The following NFATC1 variants were observed in gnomAD, a reference collection of about 807,000 sequenced individuals.
NFATC1 encodes nuclear factor of activated T cells 1, also known as nuclear factor of activated T-cells, cytoplasmic 1.
Under a neutral mutation model 76.0 loss-of-function variants are expected in NFATC1, and 22 were observed. That is an observed-to-expected ratio of 0.29 (90% confidence interval 0.21 to 0.41). The LOEUF (loss-of-function observed/expected upper bound fraction) is 0.41, where lower values mean the gene tolerates loss of function less well. Ranked by LOEUF, NFATC1 falls within the 10% of genes least tolerant of loss-of-function variation. The pLI, the probability that NFATC1 is intolerant of heterozygous loss-of-function variation, is 1.00. For synonymous variants in NFATC1, 704 were observed against 613.1 expected (o/e 1.15, Z -2.19); for missense variants, 1,357 against 1,337.7 (o/e 1.01, Z -0.23).
At chr18:79,444,422 C>T (rs543781989) in intron 3 of NFATC1, among the ~76,000 whole-genome samples, 1 of 151,870 alleles carries the variant, frequency 6.6e-6, no homozygotes, top group African/African-American at 2.4e-5. Flanking sequence ...TGTGTCCTTC[C>T]CCCACCCACC....
rs528135922 is a variant in NFATC1, at chr18:79,454,948, C to T, written c.1903+3132C>T. ...TGTGTCTGTGTTCCGATGTGAGGCACCTCTCTGTACACGCGTGAACGTTGA... is the reference window on the plus strand; with the variant it reads ...TGTGTCTGTGTTCCGATGTGAGGCATCTCTCTGTACACGCGTGAACGTTGA... On this transcript the variant is annotated intron_variant, in intron 6 of 9. Transcript: ENST00000427363. Among the ~76,000 whole-genome samples the T allele has an allele frequency of 5.8e-4, 88 of 152,284 alleles. 1 individual carries two copies. The South Asian group carries it at 7.0e-3, about 12-fold the overall frequency.
chr18:79,410,260 G>C lies in NFATC1; in HGVS notation c.128-143G>C. The C allele has an allele frequency of 7.5e-7, 1 of 1,340,760 alleles. No individual in the cohort carries two copies. The highest frequency in any genetic ancestry group is 1.4e-5 in the South Asian group (1 of 73,554). The allele number at this position is 1,340,760 out of a possible 1,614,324, so 83.1% of individuals were successfully genotyped here. Reference sequence around the variant, plus strand: ...AAGTCGCCCGGAGCTGTCCGGCAGCGTGGTCTCAGGGACGTTTGCTGAGGC... The same window carrying C: ...AAGTCGCCCGGAGCTGTCCGGCAGCCTGGTCTCAGGGACGTTTGCTGAGGC... On this transcript the variant is annotated intron_variant, in intron 1 of 9. Transcript: ENST00000427363. The surrounding 1 kb of genome is among the most constrained non-coding windows in gnomAD (Gnocchi z 6.7).
chr18:79,507,057 T>C (rs1388170368), intron 9 of NFATC1, among the ~76,000 whole-genome samples: 2 of 152,194 alleles, frequency 1.3e-5, no homozygotes, highest in Non-Finnish European at 2.9e-5. Context: ...CCCAGAGCTG[T>C]GGCTGGGCTC....
chr18:79,436,611 C>T (rs1048195622), intron 3 of NFATC1, among the ~76,000 whole-genome samples: 3 of 152,202 alleles, frequency 2.0e-5, no homozygotes, highest in Admixed American at 6.5e-5. Flanking sequence ...AAGTGAAGCA[C>T]GTGAGCAGAA....
intron 2 of NFATC1, among the ~76,000 whole-genome samples, chr18:79,415,328 A>G (rs1007010709): frequency 5.3e-5 from 8 of 152,074 alleles, no homozygotes; most frequent in African/African-American, 1.2e-4. Context: ...TGTCACCCAG[A>G]CTGGAGTGCA....
chr18:79,481,506 C>T (rs1369250759), intron 8 of NFATC1, among the ~76,000 whole-genome samples: 1 of 152,260 alleles, frequency 6.6e-6, no homozygotes, highest in African/African-American at 2.4e-5. Context: ...ACAGGCAGTC[C>T]TGGGGCTCTG....
chr18:79,506,207 G>A (rs1266668333), intron 9 of NFATC1, among the ~76,000 whole-genome samples: 1 of 152,194 alleles, frequency 6.6e-6, no homozygotes, highest in African/African-American at 2.4e-5. Context: ...CTGAGCCTGT[G>A]GCGTGGTTTC....
At chr18:79,517,881 CAAA>C (rs2090422237) in intron 9 of NFATC1, among the ~76,000 whole-genome samples, 1 of 152,154 alleles carries the variant, frequency 6.6e-6, no homozygotes, top group Non-Finnish European at 1.5e-5. Flanking sequence ...AAAATTGACA[CAAA>C]AATCGTTTAT....
At chr18:79,458,520 C>T (rs565234060) in intron 6 of NFATC1, among the ~76,000 whole-genome samples, 1 of 152,302 alleles carries the variant, frequency 6.6e-6, no homozygotes, top group Admixed American at 6.5e-5. Flanking sequence ...CTCCTGGGCC[C>T]GCAGGCCTGC....
At chr18:79,463,078 C>G (rs1039176093) in intron 7 of NFATC1, among the ~76,000 whole-genome samples, 24 of 152,342 alleles carry the variant, frequency 1.6e-4, no homozygotes, top group South Asian at 6.2e-4. Flanking sequence ...CAGCGCCCTT[C>G]CCCCAAGGAC....
chr18:79,515,797 G>A (rs938930891), intron 9 of NFATC1: 1 of 151,886 alleles, frequency 6.6e-6, no homozygotes, highest in Non-Finnish European at 1.5e-5. Flanking sequence ...TTTATTAAAA[G>A]GAGCTTTAAC....
At chr18:79,444,765 G>A (rs942361457) in intron 3 of NFATC1, among the ~76,000 whole-genome samples, 2 of 140,716 alleles carry the variant, frequency 1.4e-5, no homozygotes, top group Non-Finnish European at 1.5e-5. Context: ...AGACCACACC[G>A]GCGCTGCACA....
intron 1 of NFATC1, among the ~76,000 whole-genome samples, chr18:79,397,687 C>G (rs542573486): frequency 3.5e-4 from 53 of 152,292 alleles, no homozygotes; most frequent in African/African-American, 1.2e-3. Flanking sequence ...GGGACACTTA[C>G]GCCGCAGTGT....
At chr18:79,487,861 A>C (rs1389413621) in intron 9 of NFATC1, among the ~76,000 whole-genome samples, 1 of 152,108 alleles carries the variant, frequency 6.6e-6, no homozygotes, top group Non-Finnish European at 1.5e-5. Context: ...CACGCGTTAG[A>C]GGGCGATTCC....
At chr18:79,406,227 G>A (rs184552453) in intron 1 of NFATC1, among the ~76,000 whole-genome samples, 2 of 152,356 alleles carry the variant, frequency 1.3e-5, no homozygotes, top group East Asian at 1.9e-4. Flanking sequence ...GTTCAGCTGT[G>A]GGATCAGCTG....
intron 7 of NFATC1, among the ~76,000 whole-genome samples, chr18:79,463,630 G>A (rs550450915): frequency 6.6e-6 from 1 of 152,330 alleles, no homozygotes; most frequent in South Asian, 2.1e-4. Flanking sequence ...CCACCTACTG[G>A]GTGTCTGATT....
chr18:79,425,934 C>T (rs770142539), intron 2 of NFATC1, among the ~76,000 whole-genome samples: 13 of 152,198 alleles, frequency 8.5e-5, no homozygotes, highest in Non-Finnish European at 5.9e-5. Flanking sequence ...AGTCCTGCAC[C>T]AGCGTGGCAG....
At chr18:79,415,616 C>T (rs986048168) in intron 2 of NFATC1, among the ~76,000 whole-genome samples, 4 of 151,964 alleles carry the variant, frequency 2.6e-5, no homozygotes, top group African/African-American at 9.7e-5. Context: ...AACATTGCCT[C>T]TTAGAACTGA....
chr18:79,429,123 A>T (rs1006761252), intron 2 of NFATC1, among the ~76,000 whole-genome samples: 1 of 149,678 alleles, frequency 6.7e-6, no homozygotes, highest in Non-Finnish European at 1.5e-5. Flanking sequence ...CTGGAGGCTG[A>T]GGCAGGAGCA....
Sources: gnomAD v4.1 joint callset for allele counts (sites outside exome capture counted in the v4.1 genomes callset) on GRCh38, gnomAD v4.1.1 for gene constraint, Gnocchi (gnomAD v3.1) non-coding constraint, MANE v1.5 for transcripts, NCBI Gene and HGNC (gene_info 2026-07-23, HGNC 2026-07-21) for gene names.